NTM: variants seen among roughly 807,000 people sequenced by gnomAD.
NTM encodes the protein IgLON family member 2.
Under a neutral mutation model 42.1 loss-of-function variants are expected in NTM, and 13 were observed. The ratio of observed to expected loss-of-function variants is 0.31; its 90% CI spans 0.20 to 0.49. The LOEUF is 0.49. Among genes scored for constraint, NTM ranks in the 20% least tolerant of loss-of-function variants. The pLI is 0.99. For missense variants in NTM, 373 were observed against 452.8 expected (o/e 0.82, Z 1.60); for synonymous variants, 187 against 179.2 (o/e 1.04, Z -0.35).
intron 2 of NTM, among the ~76,000 whole-genome samples, chr11:131,957,212 C>G (rs1298567190): frequency 6.6e-6 from 1 of 152,052 alleles, no homozygotes; most frequent in Non-Finnish European, 1.5e-5. Context: ...TCCTGAGGAC[C>G]AGATAATTGT....
At chr11:132,256,327 C>T (rs576972620) in intron 4 of NTM, among the ~76,000 whole-genome samples, 2 of 152,220 alleles carry the variant, frequency 1.3e-5, no homozygotes, top group Admixed American at 6.5e-5. Flanking sequence ...GAGCAACGCC[C>T]ATCACCCAGT....
At chr11:131,599,730 G>T (rs758268637) in intron 1 of NTM, among the ~76,000 whole-genome samples, 6 of 152,186 alleles carry the variant, frequency 3.9e-5, no homozygotes, top group Admixed American at 6.5e-5. Context: ...CAAGGGACAG[G>T]GCACCCCAGA....
intron 1 of NTM, chr11:131,535,179 G>A (rs552983373): frequency 6.6e-6 from 1 of 152,380 alleles, no homozygotes; most frequent in African/African-American, 2.4e-5. Flanking sequence ...CTCAGCAGAA[G>A]GAGGACTTAA....
intron 1 of NTM, among the ~76,000 whole-genome samples, chr11:131,608,859 T>G (rs1226526054): frequency 6.6e-6 from 1 of 152,230 alleles, no homozygotes; most frequent in Non-Finnish European, 1.5e-5. Flanking sequence ...GATTCAATGG[T>G]GTCCTACAGT....
At chr11:131,644,522 A>G (rs911743802) in intron 1 of NTM, among the ~76,000 whole-genome samples, 17 of 152,232 alleles carry the variant, frequency 1.1e-4, no homozygotes, top group Non-Finnish European at 2.2e-4. Flanking sequence ...TTGCTGAGGG[A>G]CTGCCCAAAT....
chr11:131,769,677 T>C (rs2085721756), intron 1 of NTM: 1 of 582,354 alleles, frequency 1.7e-6, no homozygotes, highest in Non-Finnish European at 2.2e-6. Flanking sequence ...AACCGGGAGA[T>C]TCAGAGCATT....
intron 7 of NTM, among the ~76,000 whole-genome samples, chr11:132,320,335 A>G (rs1046496224): frequency 2.6e-4 from 40 of 152,210 alleles, no homozygotes; most frequent in African/African-American, 8.7e-4. Context: ...TGCGCGAGCC[A>G]AAGCAGGGCG....
intron 1 of NTM, among the ~76,000 whole-genome samples, chr11:131,748,264 C>T (rs139564591): frequency 1.1e-4 from 16 of 152,262 alleles, no homozygotes; most frequent in Admixed American, 7.2e-4. Context: ...TAGTACATGA[C>T]GGTGGACACA....
chr11:132,033,181 T>C (rs191348939), intron 2 of NTM, among the ~76,000 whole-genome samples: 3 of 152,298 alleles, frequency 2.0e-5, no homozygotes, highest in Admixed American at 6.5e-5. Flanking sequence ...CACTGCATGA[T>C]TGACATGAGT....
intron 2 of NTM, among the ~76,000 whole-genome samples, chr11:132,119,658 C>T (rs1433495309): frequency 6.6e-6 from 1 of 152,314 alleles, no homozygotes; most frequent in African/African-American, 2.4e-5. Flanking sequence ...GATTTTCAGT[C>T]ACAATGGAAA....
chr11:132,114,528 T>C (rs1224764931), intron 2 of NTM, among the ~76,000 whole-genome samples: 2 of 152,204 alleles, frequency 1.3e-5, no homozygotes, highest in African/African-American at 2.4e-5. Flanking sequence ...GCTGCTGCCC[T>C]TTTTCCTTTG....
At chr11:132,314,519 GTTTTCTTCTTT>G (rs774647080) in intron 6 of NTM, 22 bp from the exon 7 acceptor site, 64 of 1,590,890 alleles carry the variant, frequency 4.0e-5, no homozygotes, top group Non-Finnish European at 4.8e-5. Flanking sequence ...TAACCATCTT[GTTTTCTTCTTT>G]TTTGTCTTTT....
chr11:131,396,977 A>T (rs906526815), intron 1 of NTM, among the ~76,000 whole-genome samples: 2 of 152,022 alleles, frequency 1.3e-5, no homozygotes, highest in Admixed American at 6.6e-5. Flanking sequence ...TGATCTAGTA[A>T]ATCCTGTGAT....
At chr11:131,627,227 A>T (rs1546405) in intron 1 of NTM, among the ~76,000 whole-genome samples, 117,479 of 148,230 alleles carry the variant, frequency 0.79, 46,433 homozygotes, top group Non-Finnish European at 0.83. Flanking sequence ...TTATTTATTT[A>T]TTTTTTTTGT....
At chr11:131,431,010 C>T (rs976704974) in intron 1 of NTM, among the ~76,000 whole-genome samples, 1 of 152,222 alleles carries the variant, frequency 6.6e-6, no homozygotes, top group Non-Finnish European at 1.5e-5. Context: ...AGATATGCTA[C>T]GGTGATTCAT....
intron 1 of NTM, chr11:131,660,678 GAC>G: frequency 2.3e-6 from 1 of 431,806 alleles, no homozygotes; most frequent in Non-Finnish European, 4.6e-6. Flanking sequence ...ATGAAGCGGG[GAC>G]AGAGGGTGTG....
At chr11:132,327,217 C>G (rs1165621104) in intron 7 of NTM, among the ~76,000 whole-genome samples, 1 of 152,202 alleles carries the variant, frequency 6.6e-6, no homozygotes, top group African/African-American at 2.4e-5. Flanking sequence ...GCAAACTCAG[C>G]GGCTCCGTGG....
chr11:131,622,284 A>C (rs2062657095), intron 1 of NTM, among the ~76,000 whole-genome samples: 1 of 152,212 alleles, frequency 6.6e-6, no homozygotes, highest in South Asian at 2.1e-4. Context: ...AAGATGTATA[A>C]AAATAAAATA....
At chr11:131,852,880 G>GTCCA (rs375559384) in intron 1 of NTM, among the ~76,000 whole-genome samples, 2,009 of 126,574 alleles carry the variant, frequency 0.016, 50 homozygotes, top group African/African-American at 0.056. Context: ...CCACCCATCC[G>GTCCA]TCCATCCATC....
Sources: gnomAD v4.1 joint callset for allele counts (sites outside exome capture counted in the v4.1 genomes callset) on GRCh38, gnomAD v4.1.1 for gene constraint, MANE v1.5 for transcripts, NCBI Gene and HGNC (gene_info 2026-07-23, HGNC 2026-07-21) for gene names.